Variants in ZNF529 observed in about 807,000 individuals in gnomAD.
ZNF529 encodes zinc finger protein 529.
ZNF529 carries 11 observed loss-of-function variants against 10.1 expected under a neutral mutation model. The observed-to-expected ratio is 1.09, with a 90% confidence interval of 0.69 to 1.81. ZNF529 has a LOEUF of 1.81. Among genes scored for constraint, ZNF529 ranks in the 40% most tolerant of loss-of-function variants. The pLI is 0.00. For missense variants in ZNF529, 624 were observed against 666.8 expected (o/e 0.94, Z 0.71); for synonymous variants, 204 against 215.7 (o/e 0.95, Z 0.47).
Position 36,554,635 on chromosome 19 carries a change from G to T in ZNF529, c.235+35C>A, listed in dbSNP as rs1222420277. 4 of 1,499,934 alleles carry T rather than the reference G, an allele frequency of 2.7e-6. No homozygotes were observed. The East Asian group carries it at 7.5e-5, about 28-fold the overall frequency. 92.9% of individuals were successfully genotyped at this position (1,499,934 alleles called of 1,614,324 possible). A position where few individuals can be genotyped will look rare whatever the true frequency, so the allele number is the denominator to read the frequency against. ...TGAATATCAGTTGATAGTCTAGAGA[G>T]TATATTCTAAGTTATTTAAGGCAGA... On this transcript the variant is annotated intron_variant, in intron 4 of 4. Transcript: ENST00000591340.
intron 3 of ZNF529, 71 bp downstream of exon 3, chr19:36,556,033 T>C: frequency 3.4e-6 from 5 of 1,490,084 alleles, no homozygotes; most frequent in Non-Finnish European, 4.6e-6. Context: ...ACAGGTTCTT[T>C]GACAGAGGTG....
Position 36,590,540 on chromosome 19 carries a change from G to A in ZNF529, c.-127-839C>T, listed in dbSNP as rs149008168. On this transcript the variant is annotated intron_variant, in intron 1 of 4. Coordinates refer to the ZNF529 transcript ENST00000585960. ...AAAAGGAAAAGCAGAGTAAACCCTC[G>A]GTACCCAGAAGAAAGGAAATAAGAT... 2.5e-3 allele frequency among the ~76,000 whole-genome samples: 382 copies of A among 151,694 alleles called. 1 individual carries two copies. Among genetic ancestry groups the A allele is most frequent in the African/African-American group, 8.6e-3 (356 of 41,358 alleles).
At chr19:36,569,775 A>G (rs1490565533) in intron 2 of ZNF529, among the ~76,000 whole-genome samples, 1 of 152,130 alleles carries the variant, frequency 6.6e-6, no homozygotes, top group Non-Finnish European at 1.5e-5. Flanking sequence ...GTTGCAAAAC[A>G]AAAAGAAAAA....
At chr19:36,590,901 G>T (rs1050439043) in intron 1 of ZNF529, among the ~76,000 whole-genome samples, 4 of 140,388 alleles carry the variant, frequency 2.8e-5, no homozygotes, top group African/African-American at 1.1e-4. Context: ...CTGCACTCTA[G>T]ACTTGGCAAC....
At chr19:36,573,990 A>AGT (rs35737463), upstream of ZNF529, among the ~76,000 whole-genome samples, 1 of 152,232 alleles carries the variant, frequency 6.6e-6, no homozygotes, top group Admixed American at 6.5e-5. Flanking sequence ...GCGGCGGTTC[A>AGT]GTGTGTGTGT....
At chr19:36,597,139 G>A (rs1373541272) in intron 1 of ZNF529, among the ~76,000 whole-genome samples, 3 of 151,968 alleles carry the variant, frequency 2.0e-5, no homozygotes, top group Non-Finnish European at 4.4e-5. Context: ...TCAAATGCTG[G>A]GATTATAGGC....
intron 4 of ZNF529, chr19:36,552,122 T>A (rs1026511787): frequency 1.3e-5 from 2 of 152,150 alleles, no homozygotes; most frequent in African/African-American, 2.4e-5. Flanking sequence ...TTTCTTTTTT[T>A]AAAACAAACA....
At chr19:36,572,130 C>G (rs1168938461) in intron 2 of ZNF529, among the ~76,000 whole-genome samples, 1 of 150,450 alleles carries the variant, frequency 6.6e-6, no homozygotes, top group Non-Finnish European at 1.5e-5. Flanking sequence ...AGTTGTATTT[C>G]TATACCATAA....
intron 1 of ZNF529, among the ~76,000 whole-genome samples, chr19:36,590,929 C>CAA (rs34193887): frequency 1.9e-5 from 2 of 105,980 alleles, no homozygotes; most frequent in African/African-American, 3.5e-5. Flanking sequence ...GACTCCGTCT[C>CAA]AAAAAAAAAA....
chr19:36,601,787 G>T (rs2036927537), intron 1 of ZNF529, among the ~76,000 whole-genome samples: 1 of 152,042 alleles, frequency 6.6e-6, no homozygotes, highest in African/African-American at 2.4e-5. Flanking sequence ...CAAAACCTTA[G>T]ATTTTAATTC....
rs113463285 is a variant in ZNF529, at chr19:36,552,445, TCAACAA to T, written c.235+2219_235+2224del. Reference sequence around the variant, plus strand: ...GTCTCAAAAAAATCAATAAATAAAATCAACAACAACAACAACAACAACATCAAAGTA... The same window carrying T: ...GTCTCAAAAAAATCAATAAATAAAATCAACAACAACAACAACATCAAAGTA... On this transcript the variant is annotated intron_variant, in intron 4 of 4. Coordinates refer to ENST00000591340, the MANE Select transcript of ZNF529 (RefSeq NM_020951.5). 4.0e-4 allele frequency among the ~76,000 whole-genome samples: 60 copies of T among 151,734 alleles called. 1 individual carries two copies. Among genetic ancestry groups the T allele is most frequent in the Middle Eastern group, 3.4e-3 (1 of 294 alleles).
chr19:36,575,253 T>A (rs930909471), upstream of ZNF529, among the ~76,000 whole-genome samples: 3 of 152,224 alleles, frequency 2.0e-5, no homozygotes, highest in Non-Finnish European at 4.4e-5. Context: ...GCTTGCAGAA[T>A]TATGACAGTT....
chr19:36,568,909 A>G (rs1295762625), intron 2 of ZNF529, among the ~76,000 whole-genome samples: 1 of 152,222 alleles, frequency 6.6e-6, no homozygotes, highest in Non-Finnish European at 1.5e-5. Context: ...TGCAGGATAT[A>G]AGATCAGTAT....
upstream of ZNF529, among the ~76,000 whole-genome samples, chr19:36,576,121 A>G (rs1442999119): frequency 6.6e-6 from 1 of 152,082 alleles, no homozygotes; most frequent in African/African-American, 2.4e-5. Flanking sequence ...TGCTGGGATT[A>G]CAGGCGTGAG....
Position 36,585,814 on chromosome 19 carries a change from A to G in ZNF529, c.-41+3801T>C, listed in dbSNP as rs73931626. Among the ~76,000 whole-genome samples, 364 of 152,346 alleles carry G rather than the reference A, an allele frequency of 2.4e-3. 1 individual carries two copies. Among genetic ancestry groups the G allele is most frequent in the African/African-American group, 8.3e-3 (344 of 41,580 alleles). On this transcript the variant is annotated intron_variant, in intron 2 of 4. Transcript: ENST00000585960. ...GGGACTCTGGTTTCTGGCCAGCTCC[A>G]GGACTGGATGTGATGGTTAACGATA... is the stretch of plus-strand genomic sequence containing the variant.
At chr19:36,579,491 C>T (rs1370785384) in intron 2 of ZNF529, among the ~76,000 whole-genome samples, 1 of 152,206 alleles carries the variant, frequency 6.6e-6, no homozygotes, top group Non-Finnish European at 1.5e-5. Flanking sequence ...ACACAAACAG[C>T]AATGGGGTAG....
In ZNF529 at chr19:36,544,647, T is replaced by A. The variant is rs888163499; in HGVS notation, c.*2219A>T. 3 of 152,212 alleles carry A rather than the reference T, an allele frequency of 2.0e-5. No individual in the cohort carries two copies. The highest frequency in any genetic ancestry group is 7.2e-5 in the African/African-American group (3 of 41,466). The allele number at this position is 152,212 out of a possible 1,614,324, so 9.4% of individuals were successfully genotyped here. A position where few individuals can be genotyped will look rare whatever the true frequency, so the allele number is the denominator to read the frequency against. On this transcript the variant is annotated 3_prime_UTR_variant, in exon 5 of 5. Coordinates refer to ENST00000591340, the MANE Select transcript of ZNF529 (RefSeq NM_020951.5). ...GAGCTACTACTCTATTTCAAAGATA[T>A]GAAATAGCAAATATCCTGACAAAAA...
chr19:36,596,564 C>T (rs113932950), intron 1 of ZNF529, among the ~76,000 whole-genome samples: 23 of 152,060 alleles, frequency 1.5e-4, no homozygotes, highest in African/African-American at 5.5e-4. Context: ...GTCACCCAGG[C>T]TGGAGTACAG....
intron 2 of ZNF529, among the ~76,000 whole-genome samples, chr19:36,571,527 T>C (rs998888566): frequency 2.6e-5 from 4 of 151,944 alleles, no homozygotes; most frequent in South Asian, 4.2e-4. Context: ...ATTCAAAAAT[T>C]AGCCGGGCAT....
Sources: gnomAD v4.1 joint callset for allele counts (sites outside exome capture counted in the v4.1 genomes callset) on GRCh38, gnomAD v4.1.1 for gene constraint, MANE v1.5 for transcripts, NCBI Gene and HGNC (gene_info 2026-07-23, HGNC 2026-07-21) for gene names.